B3GALT1: variants seen among roughly 807,000 people sequenced by gnomAD.
The protein encoded by B3GALT1 is UDP-Gal:betaGlcNAc beta 1,3-galactosyltransferase, polypeptide 1.
B3GALT1 carries 10 observed loss-of-function variants against 23.2 expected under a neutral mutation model. The observed-to-expected ratio is 0.43, with a 90% CI of 0.27 to 0.73. The LOEUF (loss-of-function observed/expected upper bound fraction) is 0.73, where lower values mean the gene tolerates loss of function less well. Ranked by LOEUF, B3GALT1 falls within the 30% of genes least tolerant of loss-of-function variation. B3GALT1 has a pLI of 0.21. For missense variants in B3GALT1, 299 were observed against 405.4 expected (o/e 0.74, Z 2.25); for synonymous variants, 156 against 141.5 (o/e 1.10, Z -0.73).
intron 4 of B3GALT1, among the ~76,000 whole-genome samples, chr2:167,832,052 G>A (rs1360432402): frequency 6.6e-6 from 1 of 152,098 alleles, no homozygotes; most frequent in East Asian, 1.9e-4. Flanking sequence ...CTTGAAATAA[G>A]ACAAAATATA....
At chr2:167,719,698 C>T (rs1034107237) in intron 3 of B3GALT1, among the ~76,000 whole-genome samples, 17 of 152,078 alleles carry the variant, frequency 1.1e-4, no homozygotes, top group African/African-American at 3.4e-4. Context: ...TTTGGGAGGC[C>T]GAGGCAGGCA....
At chr2:167,835,687 T>C (rs1313709486) in intron 4 of B3GALT1, among the ~76,000 whole-genome samples, 1 of 152,208 alleles carries the variant, frequency 6.6e-6, no homozygotes, top group Non-Finnish European at 1.5e-5. Context: ...GCAGTGGTTC[T>C]CCCAGCATGC....
chr2:167,496,788 G>A (rs1699789350), intron 2 of B3GALT1, among the ~76,000 whole-genome samples: 1 of 152,088 alleles, frequency 6.6e-6, no homozygotes, highest in Non-Finnish European at 1.5e-5. Flanking sequence ...TATATGAAGA[G>A]GCCAAAGAGC....
chr2:167,742,098 C>T (rs1003502703), intron 3 of B3GALT1, among the ~76,000 whole-genome samples: 9 of 152,190 alleles, frequency 5.9e-5, no homozygotes, highest in African/African-American at 9.6e-5. Context: ...TGATGCTCTT[C>T]TGTGCATCTA....
intron 2 of B3GALT1, among the ~76,000 whole-genome samples, chr2:167,599,893 C>T (rs181850241): frequency 2.6e-5 from 4 of 151,886 alleles, no homozygotes; most frequent in East Asian, 1.9e-4. Flanking sequence ...TGGTTGTTGA[C>T]GATTAATCAT....
chr2:167,570,966 T>C (rs533866495), intron 2 of B3GALT1, among the ~76,000 whole-genome samples: 1 of 152,108 alleles, frequency 6.6e-6, no homozygotes, highest in South Asian at 2.1e-4. Context: ...GTATAGACTT[T>C]TCGATTCTCA....
intron 2 of B3GALT1, among the ~76,000 whole-genome samples, chr2:167,560,323 C>A (rs1683950590): frequency 6.6e-6 from 1 of 151,988 alleles, no homozygotes; most frequent in South Asian, 2.1e-4. Flanking sequence ...CATGGAAAGG[C>A]ACAACTGGTA....
chr2:167,538,874 G>C (rs1558897456), intron 2 of B3GALT1, among the ~76,000 whole-genome samples: 1 of 151,872 alleles, frequency 6.6e-6, no homozygotes, highest in Non-Finnish European at 1.5e-5. Context: ...AGTGCTGATA[G>C]GTAATACAGT....
intron 2 of B3GALT1, among the ~76,000 whole-genome samples, chr2:167,520,189 AT>A (rs1186705947): frequency 6.6e-6 from 1 of 152,220 alleles, no homozygotes; most frequent in Non-Finnish European, 1.5e-5. Context: ...TCAAGACATT[AT>A]TTAAAGCAAT....
intron 2 of B3GALT1, among the ~76,000 whole-genome samples, chr2:167,619,119 A>G (rs193022653): frequency 6.6e-6 from 1 of 152,060 alleles, no homozygotes; most frequent in East Asian, 1.9e-4. Context: ...GCATTCTTCC[A>G]TTAAAAAACA....
Position 167,820,018 on chromosome 2 carries a change from G to A in B3GALT1, c.-230+1225G>A, listed in dbSNP as rs991830802. ...AGCAGCGTCAGCACACAGCCTAAAC[G>A]GGTGGACACAGACTAAGAGACATGA... On this transcript the variant is annotated intron_variant, in intron 4 of 4. Coordinates refer to ENST00000392690, the MANE Select transcript of B3GALT1 (RefSeq NM_020981.4). 5.9e-5 allele frequency among the ~76,000 whole-genome samples: 9 copies of A among 152,258 alleles called. No individual in the cohort carries two copies. In the East Asian group the frequency reaches 1.2e-3, roughly 20 times the overall value.
intron 2 of B3GALT1, among the ~76,000 whole-genome samples, chr2:167,592,765 G>A (rs1684706881): frequency 6.6e-6 from 1 of 152,136 alleles, no homozygotes; most frequent in African/African-American, 2.4e-5. Flanking sequence ...AAAACACTAG[G>A]CTTGAGGGGA....
intron 2 of B3GALT1, among the ~76,000 whole-genome samples, chr2:167,512,637 C>CGTATATATATATATATATATAT (rs1370092531): frequency 3.1e-5 from 2 of 64,940 alleles, no homozygotes; most frequent in African/African-American, 1.6e-4. Flanking sequence ...TATATATATA[C>CGTATATATATATATATATATAT]ATATATATAT....
At chr2:167,536,359 C>T (rs757663652) in intron 2 of B3GALT1, among the ~76,000 whole-genome samples, 27 of 151,982 alleles carry the variant, frequency 1.8e-4, no homozygotes, top group Non-Finnish European at 3.7e-4. Context: ...AAGAGAAAGA[C>T]GTGGAAATAA....
At chr2:167,633,502 A>C (rs1685492636) in intron 2 of B3GALT1, among the ~76,000 whole-genome samples, 1 of 151,848 alleles carries the variant, frequency 6.6e-6, no homozygotes, top group Admixed American at 6.6e-5. Flanking sequence ...AAAAAAAAAT[A>C]GCAACAACAA....
intron 3 of B3GALT1, among the ~76,000 whole-genome samples, chr2:167,669,495 A>G (rs936013828): frequency 1.3e-4 from 20 of 152,332 alleles, no homozygotes; most frequent in African/African-American, 4.8e-4. Context: ...AGTGTGAAAT[A>G]TGAAATGTGG....
chr2:167,293,965 G>C (rs1242612275), intron 1 of B3GALT1, among the ~76,000 whole-genome samples: 1 of 152,000 alleles, frequency 6.6e-6, no homozygotes, highest in African/African-American at 2.4e-5. Context: ...GGTTACTCTT[G>C]GGGGAGTGGC....
chr2:167,304,083 T>C (rs2105481603), intron 1 of B3GALT1, among the ~76,000 whole-genome samples: 1 of 152,328 alleles, frequency 6.6e-6, no homozygotes, highest in East Asian at 1.9e-4. Context: ...ACCCTTACTT[T>C]ACTAGTAGAT....
At chr2:167,441,117 A>C (rs1698886370) in intron 1 of B3GALT1, among the ~76,000 whole-genome samples, 1 of 152,136 alleles carries the variant, frequency 6.6e-6, no homozygotes. Flanking sequence ...TCAGGATTGG[A>C]TGGGGCATGT....
Sources: allele counts gnomAD v4.1 joint callset (sites outside exome capture counted in the v4.1 genomes callset), GRCh38; gene constraint gnomAD v4.1.1; transcripts MANE v1.5; gene names NCBI Gene and HGNC (gene_info 2026-07-23, HGNC 2026-07-21).